P2RY8: variants seen among roughly 807,000 people sequenced by gnomAD.
The protein encoded by P2RY8 is S-geranylgeranyl-glutathione receptor P2RY8.
P2RY8 carries 6 observed loss-of-function variants against 10.0 expected under a neutral mutation model. That is an observed-to-expected ratio of 0.60 (90% CI 0.33 to 1.19). P2RY8 has a LOEUF of 1.19. Among genes scored for constraint, P2RY8 ranks in the 50% most tolerant of loss-of-function variants. The probability of loss-of-function intolerance (pLI) is 0.04; values close to 1 mark genes in which losing one functional copy is unlikely to be tolerated. For missense variants in P2RY8, 456 were observed against 542.0 expected, an observed-to-expected ratio of 0.84 and a Z score of 1.58; for synonymous variants, 276 against 252.5, an observed-to-expected ratio of 1.09 and a Z score of -0.88.
chrX:1,498,287 T>A (rs1177840552), intron 1 of P2RY8, among the ~76,000 whole-genome samples: 2 of 149,034 alleles, frequency 1.3e-5, no homozygotes, highest in Admixed American at 6.7e-5. Flanking sequence ...GTGCCTGTAG[T>A]CCCAGCTACT....
chrX:1,470,702 G>A (rs1334770204), intron 1 of P2RY8, among the ~76,000 whole-genome samples: 2 of 152,050 alleles, frequency 1.3e-5, no homozygotes, highest in South Asian at 2.1e-4. Context: ...TGAGCCAGGG[G>A]TCTTCAAAGT....
chrX:1,467,109 G>C (rs190260307), intron 1 of P2RY8, among the ~76,000 whole-genome samples: 168 of 152,172 alleles, frequency 1.1e-3, no homozygotes, highest in Non-Finnish European at 3.4e-4. Context: ...GGGAATTCTT[G>C]ACACCCTGGC....
At chrX:1,516,054 A>G (rs1185434130) in intron 1 of P2RY8, among the ~76,000 whole-genome samples, 1 of 148,922 alleles carries the variant, frequency 6.7e-6, no homozygotes, top group Non-Finnish European at 1.5e-5. Context: ...AAAATTAGCC[A>G]GGCGCGGTGG....
rs2092266810 is a variant in P2RY8, at chrX:1,509,099, G to GTATCTATGTATC, written c.-25+27821_-25+27822insGATACATAGATA. Among the ~76,000 whole-genome samples, 18 of 138,404 alleles carry GTATCTATGTATC rather than the reference G, an allele frequency of 1.3e-4. No homozygotes were observed. In the South Asian group the frequency reaches 2.3e-3, roughly 18 times the overall value. 90.8% of individuals were successfully genotyped at this position (138,404 alleles called of 152,430 possible). On this transcript the variant is annotated intron_variant, in intron 1 of 1. Transcript: ENST00000381297. ...TCTATGTATCTATCTATGTATCTAT[G>GTATCTATGTATC]TATCTATCTATCTATCTATCTATCT... is the stretch of plus-strand genomic sequence containing the variant.
rs146171007 is a variant in P2RY8 at position 1,466,500 on chromosome X, G to C, written c.59C>G (p.Pro20Arg). The C allele has an allele frequency of 2.5e-6, 4 of 1,611,046 alleles. No individual in the cohort carries two copies. Among genetic ancestry groups the C allele is most frequent in the Non-Finnish European group, 3.4e-6 (4 of 1,179,700 alleles). ...CACGGGCAGGGCCACCGCGATCGCC[G>C]GGTTCCGCAGCATCTGCAGCGTCGC... ...DNATLQMLRNPAIAVALPVVY... is the reference protein window; with the variant it reads ...DNATLQMLRNRAIAVALPVVY... The change falls in exon 2 of 2, where the codon CCG (proline) becomes CGG (arginine). Residue 20 changes from proline to arginine, a missense_variant. Pro to Arg is a moderately radical substitution (Grantham distance 103). Transcript: ENST00000381297.
Position 1,526,468 on chromosome X carries a change from T to TCATC in P2RY8, c.-25+10449_-25+10452dup, listed in dbSNP as rs1236190429. Among the ~76,000 whole-genome samples, 3 of 152,130 alleles carry TCATC rather than the reference T, an allele frequency of 2.0e-5. No individual in the cohort carries two copies. The East Asian group carries it at 5.8e-4, about 29-fold the overall frequency. On this transcript the variant is annotated intron_variant, in intron 1 of 1. Coordinates refer to ENST00000381297, the MANE Select transcript of P2RY8 (RefSeq NM_178129.5). ...GCTCATTTATTCCTTATCCAGCCACTCATCCATCCATCCATTTATCCATCC... is the reference window on the plus strand; with the variant it reads ...GCTCATTTATTCCTTATCCAGCCACTCATCCATCCATCCATCCATTTATCCATCC...
Position 1,464,656 on chromosome X carries a change from G to A in P2RY8, c.*823C>T, listed in dbSNP as rs1305171365. The A allele has an allele frequency of 6.4e-5, 15 of 233,330 alleles. No individual in the cohort carries two copies. Among genetic ancestry groups the A allele is most frequent in the Non-Finnish European group, 1.0e-4 (12 of 118,214 alleles). 14.5% of individuals were successfully genotyped at this position (233,330 alleles called of 1,614,324 possible). A position where few individuals can be genotyped will look rare whatever the true frequency, so the allele number is the denominator to read the frequency against. On this transcript the variant is annotated 3_prime_UTR_variant, in exon 2 of 2. Transcript: ENST00000381297. ...TCCTTGTCCTGAGTCAGGGAAGCCT[G>A]AGTGTGTTCCAGGGGCCTGATGGGA...
intron 1 of P2RY8, among the ~76,000 whole-genome samples, chrX:1,514,330 CT>C (rs2092322020): frequency 1.3e-5 from 1 of 78,068 alleles, no homozygotes; most frequent in Non-Finnish European, 3.5e-5. Context: ...CTTTCCATTT[CT>C]TTCCTTTCCT....
chrX:1,509,505 A>C (rs2092276199), intron 1 of P2RY8, among the ~76,000 whole-genome samples: 2 of 115,996 alleles, frequency 1.7e-5, no homozygotes, highest in African/African-American at 3.7e-5. Flanking sequence ...CCATCCCTCC[A>C]TCCATCCATT....
chrX:1,478,972 G>T (rs1387885164), intron 1 of P2RY8, among the ~76,000 whole-genome samples: 2 of 152,066 alleles, frequency 1.3e-5, no homozygotes, highest in Non-Finnish European at 1.5e-5. Context: ...ACCACTTCCA[G>T]GTTCCCACAT....
rs1490936805 is a variant in P2RY8, at chrX:1,465,416, CT to C, written c.*62del. ...CTCCCTGAACCTCTGGCACCGTGGC[CT>C]CTCCATGCGCCCCTGGATCTCCAAG... On this transcript the variant is annotated 3_prime_UTR_variant, in exon 2 of 2. Coordinates refer to ENST00000381297, the MANE Select transcript of P2RY8 (RefSeq NM_178129.5). 2.0e-6 allele frequency: 3 copies of C among 1,531,280 alleles called. No individual in the cohort carries two copies. Among genetic ancestry groups the C allele is most frequent in the African/African-American group, 2.8e-5 (2 of 72,410 alleles). The allele number at this position is 1,531,280 out of a possible 1,614,324, so 94.9% of individuals were successfully genotyped here. A position where few individuals can be genotyped will look rare whatever the true frequency, so the allele number is the denominator to read the frequency against.
chrX:1,462,676 C>T lies in P2RY8; in HGVS notation c.*2803G>A, dbSNP rs866126276. Reference sequence around the variant, plus strand: ...TTGCCTAGGTTGGCCCTTGAACACCCGGACTCAATCAGTCCTCCCGCCTGA... The same window carrying T: ...TTGCCTAGGTTGGCCCTTGAACACCTGGACTCAATCAGTCCTCCCGCCTGA... On this transcript the variant is annotated 3_prime_UTR_variant, in exon 2 of 2. Transcript: ENST00000381297. The T allele has an allele frequency of 9.0e-5, 21 of 232,892 alleles. No individual in the cohort carries two copies. Among genetic ancestry groups the T allele is most frequent in the East Asian group, 1.8e-4 (3 of 16,590 alleles). The allele number at this position is 232,892 out of a possible 1,614,324, so 14.4% of individuals were successfully genotyped here.
chrX:1,498,980 G>A (rs4330865), intron 1 of P2RY8, among the ~76,000 whole-genome samples: 32,048 of 151,064 alleles, frequency 0.21, 3,513 homozygotes, highest in Middle Eastern at 0.4. Flanking sequence ...GATTACAGGC[G>A]CGTGCCATAA....
intron 1 of P2RY8, among the ~76,000 whole-genome samples, chrX:1,500,148 G>A (rs5989773): frequency 0.61 from 92,083 of 150,904 alleles, 32,121 homozygotes; most frequent in East Asian, 0.82. Flanking sequence ...GTGAGCCACC[G>A]CGCCCGGCCT....
In P2RY8 at chrX:1,466,405, T is replaced by C. The variant is rs1374679913; in HGVS notation, c.154A>G (p.Met52Val). 6.2e-7 allele frequency: 1 copy of C among 1,613,342 alleles called. No homozygotes were observed. Among genetic ancestry groups the C allele is most frequent in the East Asian group, 2.2e-5 (1 of 44,876 alleles). The change falls in exon 2 of 2, where the codon ATG becomes GTG. Residue 52 changes from methionine to valine, a missense_variant. Physicochemically the swap from Met to Val is conservative, Grantham distance 21 (BLOSUM62 1). Transcript: ENST00000381297. ...ATGACCGACGGGGATCTGGGCCCCA[T>C]GCGCCGGCACAGCACCCACAGAGAG... Reference protein sequence around the residue: ...LFSLWVLCRRMGPRSPSVIFM... With the variant: ...LFSLWVLCRRVGPRSPSVIFM...
At chrX:1,505,137 C>CA (rs1175803425) in intron 1 of P2RY8, among the ~76,000 whole-genome samples, 16,876 of 99,606 alleles carry the variant, frequency 0.17, 1,884 homozygotes, top group East Asian at 0.54. Context: ...GACTCTGTCT[C>CA]AAAAAAAAAA....
rs1437788793 is a variant in P2RY8 at position 1,463,866 on chromosome X, T to C, written c.*1613A>G. On this transcript the variant is annotated 3_prime_UTR_variant, in exon 2 of 2. Transcript: ENST00000381297. ...TCCGTCTCTCATAGGGACACTGGAT[T>C]GGGCCCATTGTAAATGCAGTATGGC... The C allele has an allele frequency of 8.6e-6, 2 of 233,214 alleles. No homozygotes were observed. Among genetic ancestry groups the C allele is most frequent in the African/African-American group, 4.4e-5 (2 of 45,362 alleles). 14.4% of individuals were successfully genotyped at this position (233,214 alleles called of 1,614,324 possible).
At chrX:1,507,637 C>G (rs1423756174) in intron 1 of P2RY8, among the ~76,000 whole-genome samples, 2 of 152,126 alleles carry the variant, frequency 1.3e-5, no homozygotes, top group Admixed American at 1.3e-4. Context: ...CCGGCGGAGT[C>G]CCCACGTGCC....
intron 1 of P2RY8, among the ~76,000 whole-genome samples, chrX:1,491,311 G>A (rs2092046999): frequency 6.6e-6 from 1 of 152,242 alleles, no homozygotes; most frequent in Non-Finnish European, 1.5e-5. Context: ...CCCCACAAAT[G>A]TGGGGGGAAT....
Sources: gnomAD v4.1 joint callset for allele counts (sites outside exome capture counted in the v4.1 genomes callset) on GRCh38, gnomAD v4.1.1 for gene constraint, MANE v1.5 for transcripts, NCBI Gene and HGNC (gene_info 2026-07-23, HGNC 2026-07-21) for gene names.